The following NUDT3 variants were observed in gnomAD, a reference collection of about 807,000 sequenced individuals.
NUDT3 encodes nudix hydrolase 3.
NUDT3 carries 9 observed loss-of-function variants against 23.6 expected under a neutral mutation model. The ratio of observed to expected loss-of-function variants is 0.38; its 90% CI spans 0.23 to 0.66. The LOEUF is 0.66. NUDT3 is among the 30% of genes least tolerant of loss of function. The pLI is 0.52. For synonymous variants in NUDT3, 86 were observed against 82.6 expected (o/e 1.04, Z -0.22); for missense variants, 172 against 218.5 (o/e 0.79, Z 1.34).
intron 1 of NUDT3, among the ~76,000 whole-genome samples, chr6:34,342,289 CAAAAAAAAAAAAAA>C (rs200954440): frequency 4.5e-5 from 3 of 66,518 alleles, no homozygotes; most frequent in African/African-American, 1.4e-4. Context: ...TAGAAGACTT[CAAAAAAAAAAAAAA>C]AAAAAAAAAA....
At chr6:34,382,322 G>A (rs965173385) in intron 1 of NUDT3, among the ~76,000 whole-genome samples, 1 of 152,028 alleles carries the variant, frequency 6.6e-6, no homozygotes, top group African/African-American at 2.4e-5. Context: ...AGCATCACTT[G>A]CGCCCGGAAG....
At chr6:34,305,590 C>T (rs1763668082) in intron 2 of NUDT3, among the ~76,000 whole-genome samples, 1 of 152,018 alleles carries the variant, frequency 6.6e-6, no homozygotes, top group Non-Finnish European at 1.5e-5. Flanking sequence ...TTCCTTTGGG[C>T]TTGCTCTTGT....
chr6:34,348,891 G>A (rs112609511), intron 1 of NUDT3, among the ~76,000 whole-genome samples: 2 of 151,062 alleles, frequency 1.3e-5, no homozygotes, highest in Non-Finnish European at 2.9e-5. Flanking sequence ...ACAGGATCTC[G>A]CTCTTTTGCC....
intron 2 of NUDT3, among the ~76,000 whole-genome samples, chr6:34,319,859 G>A (rs1367830508): frequency 6.6e-6 from 1 of 152,188 alleles, no homozygotes; most frequent in Non-Finnish European, 1.5e-5. Flanking sequence ...TAAAAGGAGG[G>A]CAGGAGAAAG....
At chr6:34,335,750 GTGTTTTTTTTTTT>G (rs1764199754) in intron 2 of NUDT3, among the ~76,000 whole-genome samples, 1 of 147,278 alleles carries the variant, frequency 6.8e-6, no homozygotes, top group South Asian at 2.1e-4. Flanking sequence ...TGAAAATGCT[GTGTTTTTTTTTTT>G]TGTTTTTTAA....
intron 1 of NUDT3, among the ~76,000 whole-genome samples, chr6:34,343,871 T>C (rs1484670126): frequency 1.3e-5 from 2 of 151,980 alleles, no homozygotes; most frequent in Non-Finnish European, 2.9e-5. Flanking sequence ...TCTAAAACAA[T>C]AAAAAGATAA....
intron 2 of NUDT3, among the ~76,000 whole-genome samples, chr6:34,321,129 C>CT (rs1012386574): frequency 6.6e-6 from 1 of 151,902 alleles, no homozygotes; most frequent in Non-Finnish European, 1.5e-5. Context: ...CACAGACATC[C>CT]TTAAGGTTAT....
intron 4 of NUDT3, among the ~76,000 whole-genome samples, chr6:34,292,445 T>C (rs958567954): frequency 6.6e-6 from 1 of 152,180 alleles, no homozygotes; most frequent in Non-Finnish European, 1.5e-5. Flanking sequence ...CCAACCTTTG[T>C]ACCACCACAG....
chr6:34,308,170 G>C (rs1396317924), intron 2 of NUDT3, among the ~76,000 whole-genome samples: 1 of 87,606 alleles, frequency 1.1e-5, no homozygotes, highest in Non-Finnish European at 2.3e-5. Flanking sequence ...AAAAAAAAAA[G>C]ATAGGCCAGG....
intron 2 of NUDT3, among the ~76,000 whole-genome samples, chr6:34,299,049 TCA>T (rs1491254279): frequency 2.0e-5 from 3 of 152,174 alleles, no homozygotes; most frequent in African/African-American, 7.2e-5. Context: ...TTTCCCAGAC[TCA>T]GAGTCCAACT....
chr6:34,346,208 G>GGA (rs1764367125), intron 1 of NUDT3, among the ~76,000 whole-genome samples: 1 of 151,560 alleles, frequency 6.6e-6, no homozygotes, highest in African/African-American at 2.4e-5. Flanking sequence ...CGAATTACAA[G>GGA]GTTAAAAAAA....
At chr6:34,351,735 C>A (rs1764480964) in intron 1 of NUDT3, among the ~76,000 whole-genome samples, 1 of 119,870 alleles carries the variant, frequency 8.3e-6, no homozygotes, top group Non-Finnish European at 1.7e-5. Flanking sequence ...GAGTCAAACT[C>A]TGTCTCAAAA....
intron 1 of NUDT3, among the ~76,000 whole-genome samples, chr6:34,368,661 CAG>C (rs1764777276): frequency 6.6e-6 from 1 of 152,142 alleles, no homozygotes; most frequent in Admixed American, 6.6e-5. Context: ...GTTTTTGAGA[CAG>C]AGTCTCACTC....
At chr6:34,358,034 T>A (rs540579306) in intron 1 of NUDT3, among the ~76,000 whole-genome samples, 2 of 152,172 alleles carry the variant, frequency 1.3e-5, no homozygotes, top group Non-Finnish European at 2.9e-5. Flanking sequence ...GTTGTTCCTA[T>A]ATGCATTGAA....
intron 1 of NUDT3, among the ~76,000 whole-genome samples, chr6:34,368,302 T>G (rs1256242103): frequency 3.3e-5 from 5 of 152,224 alleles, no homozygotes; most frequent in Non-Finnish European, 7.3e-5. Flanking sequence ...TTTTTTCCTC[T>G]CCTTCTTCCC....
intron 1 of NUDT3, among the ~76,000 whole-genome samples, chr6:34,360,536 T>C (rs1305197751): frequency 6.6e-6 from 1 of 152,078 alleles, no homozygotes; most frequent in Non-Finnish European, 1.5e-5. Flanking sequence ...ATAATCAAGA[T>C]TGTGCCACTA....
At chr6:34,336,605 T>C (rs749723358) in intron 2 of NUDT3, among the ~76,000 whole-genome samples, 6 of 152,216 alleles carry the variant, frequency 3.9e-5, no homozygotes, top group Non-Finnish European at 8.8e-5. Context: ...TTTTGTTACC[T>C]GTGCTTTTGA....
intron 1 of NUDT3, among the ~76,000 whole-genome samples, chr6:34,345,490 C>T (rs1764353206): frequency 2.0e-5 from 3 of 150,622 alleles, no homozygotes; most frequent in Admixed American, 1.3e-4. Context: ...GGTGAAACCC[C>T]ATCTCTACTA....
intron 2 of NUDT3, among the ~76,000 whole-genome samples, chr6:34,322,623 C>A (rs1422163221): frequency 2.0e-5 from 3 of 152,188 alleles, no homozygotes; most frequent in Non-Finnish European, 4.4e-5. Flanking sequence ...AAAAGACATA[C>A]AAGCAACAGT....
Sources: gnomAD v4.1 joint callset for allele counts (sites outside exome capture counted in the v4.1 genomes callset) on GRCh38, gnomAD v4.1.1 for gene constraint, MANE v1.5 for transcripts, NCBI Gene and HGNC (gene_info 2026-07-23, HGNC 2026-07-21) for gene names.